Variants in IGF1R observed in about 807,000 individuals in gnomAD.
The protein encoded by IGF1R is insulin-like growth factor 1 receptor.
Under a neutral mutation model 144.6 loss-of-function variants are expected in IGF1R, and 44 were observed. That is an observed-to-expected ratio of 0.30 (90% confidence interval 0.24 to 0.39). IGF1R has a LOEUF of 0.39. Ranked by LOEUF, IGF1R falls within the 10% of genes least tolerant of loss-of-function variation. The probability of loss-of-function intolerance (pLI) is 1.00; values close to 1 mark genes in which losing one functional copy is unlikely to be tolerated. For synonymous variants in IGF1R, 795 were observed against 722.8 expected, an observed-to-expected ratio of 1.10 and a Z score of -1.60; for missense variants, 1,355 against 1,833.7, an observed-to-expected ratio of 0.74 and a Z score of 4.77.
intron 2 of IGF1R, among the ~76,000 whole-genome samples, chr15:98,882,199 C>T (rs531445213): frequency 1.2e-4 from 19 of 152,306 alleles, no homozygotes; most frequent in African/African-American, 4.6e-4. Context: ...AGAGGGAAGC[C>T]GTGACCGTCA....
At chr15:98,885,745 A>G (rs1307445002) in intron 2 of IGF1R, among the ~76,000 whole-genome samples, 3 of 151,884 alleles carry the variant, frequency 2.0e-5, no homozygotes, top group Non-Finnish European at 4.4e-5. Context: ...AATTGTTTGC[A>G]TTATGAAATA....
chr15:98,776,874 C>G (rs1411136659), intron 2 of IGF1R, among the ~76,000 whole-genome samples: 1 of 152,196 alleles, frequency 6.6e-6, no homozygotes, highest in Admixed American at 6.5e-5. Context: ...GATTTGTGCT[C>G]TCATCGTCTC....
At chr15:98,820,247 T>C (rs866057479) in intron 2 of IGF1R, among the ~76,000 whole-genome samples, 2 of 152,092 alleles carry the variant, frequency 1.3e-5, no homozygotes, top group Non-Finnish European at 2.9e-5. Flanking sequence ...TCTGGTCTTA[T>C]AAGAGTCACA....
At chr15:98,677,079 T>C (rs921719963) in intron 1 of IGF1R, among the ~76,000 whole-genome samples, 4 of 152,032 alleles carry the variant, frequency 2.6e-5, no homozygotes, top group Non-Finnish European at 5.9e-5. Flanking sequence ...GGACTACTGG[T>C]ATGCGCCACC....
chr15:98,932,461 G>GA (rs753864545), intron 15 of IGF1R, among the ~76,000 whole-genome samples: 14 of 152,220 alleles, frequency 9.2e-5, no homozygotes, highest in Admixed American at 6.5e-4. Flanking sequence ...TGGCACTGGG[G>GA]ACGCCTGCTT....
intron 2 of IGF1R, among the ~76,000 whole-genome samples, chr15:98,723,799 G>GT (rs1226381538): frequency 6.6e-6 from 1 of 152,170 alleles, no homozygotes; most frequent in East Asian, 1.9e-4. Context: ...AAGACTTGCT[G>GT]TATCTATATT....
chr15:98,846,591 C>T (rs371723346), intron 2 of IGF1R, among the ~76,000 whole-genome samples: 79 of 152,316 alleles, frequency 5.2e-4, no homozygotes, highest in African/African-American at 1.9e-3. Flanking sequence ...AACAGAGGCA[C>T]TGTCCAGTCT....
intron 2 of IGF1R, among the ~76,000 whole-genome samples, chr15:98,774,309 G>A (rs1200067779): frequency 6.6e-6 from 1 of 152,122 alleles, no homozygotes; most frequent in Non-Finnish European, 1.5e-5. Flanking sequence ...GTCTGAATTA[G>A]AGGCCAAAAC....
chr15:98,957,177 A>C lies in IGF1R; in HGVS notation c.3839A>C (p.Tyr1280Ser). 6.2e-7 allele frequency: 1 copy of C among 1,614,218 alleles called. No homozygotes were observed. Among genetic ancestry groups the C allele is most frequent in the Non-Finnish European group, 8.5e-7 (1 of 1,180,034 alleles). Residue 1280 changes from tyrosine (Y) to serine (S), a missense_variant, in exon 21 of 21, where the codon TAC becomes TCC. Physicochemically the swap from Tyr to Ser is moderately radical, Grantham distance 144. This residue lies in a region of IGF1R where 219 missense variants were observed against 188.8 expected (regional missense o/e 1.16). Coordinates refer to ENST00000650285, the MANE Select transcript of IGF1R (RefSeq NM_000875.5). ...MEPGFREVSF[Y>S]YSEENKLPEP... The stretch of plus-strand genomic sequence containing the variant: ...CCTGGCTTCCGGGAGGTCTCCTTCT[A>C]CTACAGCGAGGAGAACAAGCTGCCC...
In IGF1R at chr15:98,648,905, G is replaced by C. The variant is rs1307025711; in HGVS notation, c.-677G>C. 2 of 155,740 alleles carry C rather than the reference G, an allele frequency of 1.3e-5. No individual in the cohort carries two copies. The highest frequency in any genetic ancestry group is 1.9e-4 in the South Asian group (1 of 5,384). The allele number at this position is 155,740 out of a possible 1,614,324, so 9.6% of individuals were successfully genotyped here. ...GCGGGGCGGGCGGCGGCGCAGAGCC[G>C]GGCGGCGCGGCGGGAGTGCTGAGCG... On this transcript the variant is annotated 5_prime_UTR_variant, in exon 1 of 21. Transcript: ENST00000650285.
chr15:98,655,483 A>G (rs1332765267), intron 1 of IGF1R, among the ~76,000 whole-genome samples: 3 of 152,010 alleles, frequency 2.0e-5, no homozygotes, highest in Admixed American at 6.5e-5. Context: ...TTGAACTGAG[A>G]AATAGTCGTT....
rs34443123 is a variant in IGF1R, at chr15:98,835,080, T to TACACACACAC, written c.641-56224_641-56215dup. On this transcript the variant is annotated intron_variant, in intron 2 of 20. Coordinates refer to ENST00000650285, the MANE Select transcript of IGF1R (RefSeq NM_000875.5). ...GGCCAGGGCAAGAGAACACCCCCCC[T>TACACACACAC]ACACACACACACACACACACACACA... 9.4e-3 allele frequency among the ~76,000 whole-genome samples: 1,231 copies of TACACACACAC among 130,464 alleles called. 33 individuals carry two copies. The highest frequency in any genetic ancestry group is 0.038 in the African/African-American group (1,175 of 30,746). The allele number at this position is 130,464 out of a possible 152,430, so 85.6% of individuals were successfully genotyped here.
Position 98,685,130 on chromosome 15 carries a change from G to A in IGF1R, c.95-22432G>A, listed in dbSNP as rs570562856. ...GCTAATTTTTAACATTTTTTGTAGAGATGGGAGTCTCACTATGTTGCCCAG... is the reference window on the plus strand; with the variant it reads ...GCTAATTTTTAACATTTTTTGTAGAAATGGGAGTCTCACTATGTTGCCCAG... On this transcript the variant is annotated intron_variant, in intron 1 of 20. Transcript: ENST00000650285. Among the ~76,000 whole-genome samples, 587 of 151,848 alleles carry A rather than the reference G, an allele frequency of 3.9e-3. 9 individuals are homozygous for A. The East Asian group carries it at 0.044, about 12-fold the overall frequency.
At chr15:98,801,228 T>A (rs2056356829) in intron 2 of IGF1R, among the ~76,000 whole-genome samples, 1 of 152,192 alleles carries the variant, frequency 6.6e-6, no homozygotes, top group Non-Finnish European at 1.5e-5. Flanking sequence ...TGGGGTGTGC[T>A]GGGGTCCACA....
intron 2 of IGF1R, among the ~76,000 whole-genome samples, chr15:98,721,778 AAACT>A (rs1322487936): frequency 2.0e-5 from 3 of 152,196 alleles, no homozygotes; most frequent in Admixed American, 2.0e-4. Context: ...ATGAATAAAC[AAACT>A]AAATAACAGT....
At chr15:98,716,641 G>A (rs1489155018) in intron 2 of IGF1R, among the ~76,000 whole-genome samples, 2 of 152,162 alleles carry the variant, frequency 1.3e-5, no homozygotes, top group African/African-American at 2.4e-5. Flanking sequence ...TAGAGCCCTG[G>A]TAAACGTTTG....
intron 1 of IGF1R, among the ~76,000 whole-genome samples, chr15:98,683,630 C>G (rs912676305): frequency 2.0e-5 from 3 of 152,214 alleles, no homozygotes; most frequent in Admixed American, 6.5e-5. Context: ...TTATGAATTG[C>G]AATCAAGTCG....
chr15:98,724,972 C>T (rs2054324710), intron 2 of IGF1R, among the ~76,000 whole-genome samples: 1 of 152,214 alleles, frequency 6.6e-6, no homozygotes, highest in South Asian at 2.1e-4. Context: ...GGAAGAATCA[C>T]AGTGAGTTGG....
intron 2 of IGF1R, among the ~76,000 whole-genome samples, chr15:98,760,716 C>G (rs930694213): frequency 3.3e-5 from 5 of 152,180 alleles, no homozygotes; most frequent in African/African-American, 1.2e-4. Context: ...TGTGTCTAGT[C>G]CAGCTCTTCA....
Sources: gnomAD v4.1 joint callset for allele counts (sites outside exome capture counted in the v4.1 genomes callset) on GRCh38, gnomAD v4.1.1 for gene constraint, gnomAD v4.1.1 regional missense constraint, MANE v1.5 for transcripts, NCBI Gene and HGNC (gene_info 2026-07-23, HGNC 2026-07-21) for gene names.